IFTAP: variants seen among roughly 807,000 people sequenced by gnomAD.
IFTAP encodes the protein intraflagellar transport associated protein, also known as intraflagellar transport-associated protein.
A neutral mutation model predicts 19.4 loss-of-function variants in IFTAP; 19 were observed. The observed-to-expected ratio is 0.98, with a 90% confidence interval of 0.68 to 1.44. IFTAP has a LOEUF of 1.44. Among genes scored for constraint, IFTAP ranks in the 40% most tolerant of loss-of-function variants. The probability of loss-of-function intolerance (pLI) is 0.00; values close to 1 mark genes in which losing one functional copy is unlikely to be tolerated. For synonymous variants in IFTAP, 85 were observed against 83.5 expected (o/e 1.02, Z -0.10); for missense variants, 240 against 253.6 (o/e 0.95, Z 0.36).
intron 2 of IFTAP, among the ~76,000 whole-genome samples, chr11:36,620,570 T>G (rs1039676677): frequency 2.0e-5 from 3 of 152,044 alleles, no homozygotes; most frequent in Non-Finnish European, 4.4e-5. Flanking sequence ...GCTGAAGTTG[T>G]TATAATTCAT....
rs1229363907 is a variant in IFTAP at position 36,599,984 on chromosome 11, A to G, written c.-24+5392A>G. Among the ~76,000 whole-genome samples the G allele has an allele frequency of 2.0e-5, 3 of 152,242 alleles. No homozygotes were observed. In the East Asian group the frequency reaches 5.8e-4, roughly 29 times the overall value. On this transcript the variant is annotated intron_variant, in intron 1 of 5. Coordinates refer to ENST00000334307, the MANE Select transcript of IFTAP (RefSeq NM_138787.4). ...AGCCTTTGGATTTTACTAACATCAA[A>G]AAACAGGCAATTTTTAGCATAACAA...
chr11:36,652,945 G>A (rs551714662), intron 5 of IFTAP, among the ~76,000 whole-genome samples: 8 of 152,130 alleles, frequency 5.3e-5, no homozygotes, highest in African/African-American at 1.7e-4. Context: ...TTGTTCTGTA[G>A]ACAGAACAAA....
intron 1 of IFTAP, among the ~76,000 whole-genome samples, chr11:36,600,200 T>G (rs1335701775): frequency 3.3e-5 from 5 of 152,202 alleles, no homozygotes; most frequent in African/African-American, 9.6e-5. Context: ...TAAACTATAT[T>G]TATTGAGCAT....
chr11:36,616,487 C>A (rs1255533344), intron 2 of IFTAP, among the ~76,000 whole-genome samples: 1 of 152,010 alleles, frequency 6.6e-6, no homozygotes, highest in Admixed American at 6.6e-5. Flanking sequence ...CATTGTGTGT[C>A]TGAATGTTCA....
Position 36,611,594 on chromosome 11 carries a change from CGAAAA to C in IFTAP, c.136+1361_136+1365del, listed in dbSNP as rs140709604. 4.7e-3 allele frequency among the ~76,000 whole-genome samples: 708 copies of C among 151,868 alleles called. 4 individuals carry two copies. Among genetic ancestry groups the C allele is most frequent in the African/African-American group, 0.016 (651 of 41,426 alleles). On this transcript the variant is annotated intron_variant, in intron 2 of 5. Transcript: ENST00000334307. Reference sequence around the variant, plus strand: ...TGTAAAAGAAAAGTAGTAGTTATAACGAAAAGAAAATATGATTCTAACCTGTTTCT... The same window carrying C: ...TGTAAAAGAAAAGTAGTAGTTATAACGAAAATATGATTCTAACCTGTTTCT...
chr11:36,616,563 C>G (rs11033715), intron 2 of IFTAP, among the ~76,000 whole-genome samples: 20,087 of 151,912 alleles, frequency 0.13, 1,442 homozygotes, highest in Admixed American at 0.19. Flanking sequence ...GTTCCAAACT[C>G]TCGGAGTTTC....
chr11:36,647,905 A>G lies in IFTAP; in HGVS notation c.359-111A>G. The stretch of plus-strand genomic sequence containing the variant: ...AGGACAGGCATTGTGAAATGGATCT[A>G]CATTACATGAGCATATTTGCTTCAT... On this transcript the variant is annotated intron_variant, in intron 4 of 5. Coordinates refer to ENST00000334307, the MANE Select transcript of IFTAP (RefSeq NM_138787.4). 5.5e-6 allele frequency: 7 copies of G among 1,282,450 alleles called. No individual in the cohort carries two copies. In the South Asian group the frequency reaches 7.1e-5, roughly 13 times the overall value. 79.4% of individuals were successfully genotyped at this position (1,282,450 alleles called of 1,614,324 possible).
intron 3 of IFTAP, among the ~76,000 whole-genome samples, chr11:36,633,728 T>C (rs2133455983): frequency 6.6e-6 from 1 of 152,236 alleles, no homozygotes; most frequent in Non-Finnish European, 1.5e-5. Context: ...TTGTCTTCTA[T>C]TTGGGACAAA....
chr11:36,642,299 T>G (rs890858729), intron 4 of IFTAP, among the ~76,000 whole-genome samples: 2 of 152,090 alleles, frequency 1.3e-5, no homozygotes, highest in Admixed American at 1.3e-4. Flanking sequence ...CTTCCAAGAC[T>G]AAACCAGGAA....
At chr11:36,636,199 T>C (rs912498823) in intron 4 of IFTAP, 82 bp downstream of exon 4, 6 of 1,090,686 alleles carry the variant, frequency 5.5e-6, no homozygotes, top group Non-Finnish European at 6.8e-6. Context: ...TTCCTGTTTT[T>C]GGCAATTCTT....
chr11:36,655,106 C>T (rs985746073), intron 5 of IFTAP, among the ~76,000 whole-genome samples: 4 of 152,058 alleles, frequency 2.6e-5, no homozygotes, highest in African/African-American at 9.7e-5. Context: ...TCTTCAGTGA[C>T]TTTTCATCAT....
chr11:36,599,257 G>C (rs1218549182), intron 1 of IFTAP, among the ~76,000 whole-genome samples: 1 of 152,176 alleles, frequency 6.6e-6, no homozygotes, highest in East Asian at 1.9e-4. Context: ...GCCTCCCAAA[G>C]TGCTGGGATT....
At chr11:36,603,267 A>G (rs892187222) in intron 1 of IFTAP, among the ~76,000 whole-genome samples, 1 of 152,182 alleles carries the variant, frequency 6.6e-6, no homozygotes, top group African/African-American at 2.4e-5. Context: ...TCAAGAGGAA[A>G]GTTTCTGTTT....
At chr11:36,622,449 T>A (rs1852335744) in intron 2 of IFTAP, among the ~76,000 whole-genome samples, 1 of 152,140 alleles carries the variant, frequency 6.6e-6, no homozygotes, top group Non-Finnish European at 1.5e-5. Flanking sequence ...TATAAATAAT[T>A]TACTATGTTG....
At chr11:36,621,428 C>T (rs985275648) in intron 2 of IFTAP, among the ~76,000 whole-genome samples, 3 of 151,836 alleles carry the variant, frequency 2.0e-5, no homozygotes, top group Admixed American at 2.0e-4. Flanking sequence ...TGGATTCGTT[C>T]CAGAGGAGGT....
intron 2 of IFTAP, among the ~76,000 whole-genome samples, chr11:36,616,513 C>T (rs1852095836): frequency 1.3e-5 from 2 of 151,876 alleles, no homozygotes; most frequent in Non-Finnish European, 2.9e-5. Flanking sequence ...AATGGCTATG[C>T]CTGTGGCTTT....
intron 2 of IFTAP, among the ~76,000 whole-genome samples, chr11:36,630,429 A>C (rs756338173): frequency 2.6e-5 from 4 of 151,394 alleles, no homozygotes; most frequent in Non-Finnish European, 5.9e-5. Context: ...TCTTTTAAAA[A>C]TGAAAACTTT....
intron 2 of IFTAP, among the ~76,000 whole-genome samples, chr11:36,625,798 G>A (rs1852487807): frequency 6.6e-6 from 1 of 152,154 alleles, no homozygotes; most frequent in South Asian, 2.1e-4. Flanking sequence ...ATGAGTGCTG[G>A]CAGGAGGATT....
At chr11:36,619,313 C>T (rs148693527) in intron 2 of IFTAP, among the ~76,000 whole-genome samples, 1 of 152,000 alleles carries the variant, frequency 6.6e-6, no homozygotes, top group East Asian at 1.9e-4. Flanking sequence ...AACACATTTC[C>T]GAAGTTGACG....
Sources: gnomAD v4.1 joint callset for allele counts (sites outside exome capture counted in the v4.1 genomes callset) on GRCh38, gnomAD v4.1.1 for gene constraint, MANE v1.5 for transcripts, NCBI Gene and HGNC (gene_info 2026-07-23, HGNC 2026-07-21) for gene names.